Variants in KIF11 observed in about 807,000 individuals in gnomAD.
KIF11 encodes the protein kinesin family member 11.
In KIF11, 9 loss-of-function variants were observed where a neutral mutation model predicts 121.0. That is an observed-to-expected ratio of 0.07 (90% CI 0.04 to 0.13). The LOEUF is 0.13. KIF11 is among the 10% of genes least tolerant of loss of function. The pLI is 1.00. For missense variants in KIF11, 846 were observed against 1,217.5 expected (o/e 0.69, Z 4.54); for synonymous variants, 408 against 421.0 (o/e 0.97, Z 0.38).
At chr10:92,649,621 AG>A (rs1000639037) in intron 19 of KIF11, among the ~76,000 whole-genome samples, 1 of 152,194 alleles carries the variant, frequency 6.6e-6, no homozygotes, top group African/African-American at 2.4e-5. Context: ...TTTAGAGAGT[AG>A]GATGAATCTT....
At chr10:92,644,728 T>TC (rs1844901490) in intron 17 of KIF11, among the ~76,000 whole-genome samples, 2 of 152,232 alleles carry the variant, frequency 1.3e-5, no homozygotes, top group Non-Finnish European at 2.9e-5. Context: ...GAGAGTCACT[T>TC]CATTCCACAA....
chr10:92,603,126 G>A (rs1589588540), intron 1 of KIF11, among the ~76,000 whole-genome samples: 1 of 151,870 alleles, frequency 6.6e-6, no homozygotes, highest in East Asian at 1.9e-4. Flanking sequence ...ATATCTACAG[G>A]GCCTGGCTCC....
chr10:92,608,444 G>A, intron 4 of KIF11, among the ~76,000 whole-genome samples: 1 of 144,344 alleles, frequency 6.9e-6, no homozygotes, highest in East Asian at 2.0e-4. Context: ...ATTGAACTTG[G>A]CGTTTTTTTT....
rs2135928647 is a variant in KIF11 at position 92,655,171 on chromosome 10, T to G, written c.*1375T>G. The G allele has an allele frequency of 6.5e-6, 1 of 152,682 alleles. No individual in the cohort carries two copies. Among genetic ancestry groups the G allele is most frequent in the South Asian group, 2.1e-4 (1 of 4,822 alleles). 9.5% of individuals were successfully genotyped at this position (152,682 alleles called of 1,614,324 possible). A position where few individuals can be genotyped will look rare whatever the true frequency, so the allele number is the denominator to read the frequency against. ...TTTTCTGCTCACGATGAGTTTAGTGTGTAAAGTTTAGAGACATCTGACTTT... is the reference window on the plus strand; with the variant it reads ...TTTTCTGCTCACGATGAGTTTAGTGGGTAAAGTTTAGAGACATCTGACTTT... On this transcript the variant is annotated 3_prime_UTR_variant, in exon 22 of 22. Coordinates refer to ENST00000260731, the MANE Select transcript of KIF11 (RefSeq NM_004523.4).
At chr10:92,628,934 C>A in intron 11 of KIF11, 39 bp downstream of exon 11, 2 of 1,083,428 alleles carry the variant, frequency 1.8e-6, no homozygotes, top group Admixed American at 2.5e-5. Context: ...ATGTGAAAAG[C>A]AAATATTGAA....
intron 10 of KIF11, among the ~76,000 whole-genome samples, chr10:92,622,871 G>A (rs1294235758): frequency 6.6e-6 from 1 of 152,136 alleles, no homozygotes; most frequent in East Asian, 1.9e-4. Context: ...GGAGAAGCAA[G>A]CACATATTCA....
intron 19 of KIF11, among the ~76,000 whole-genome samples, chr10:92,649,427 A>G (rs190214822): frequency 7.2e-5 from 11 of 152,266 alleles, no homozygotes; most frequent in Admixed American, 5.9e-4. Context: ...TAGTATATGT[A>G]TATAACTAGT....
chr10:92,631,653 G>A (rs1222357019), intron 12 of KIF11, among the ~76,000 whole-genome samples: 1 of 149,096 alleles, frequency 6.7e-6, no homozygotes, highest in Non-Finnish European at 1.5e-5. Context: ...GAGCCACCGC[G>A]CCCGGCCTTT....
At chr10:92,635,320 T>C (rs1365345364) in intron 14 of KIF11, among the ~76,000 whole-genome samples, 1 of 152,222 alleles carries the variant, frequency 6.6e-6, no homozygotes, top group Non-Finnish European at 1.5e-5. Context: ...ATTCATTAAA[T>C]GGTGGTCTGT....
intron 17 of KIF11, among the ~76,000 whole-genome samples, chr10:92,644,163 G>A (rs77464338): frequency 0.034 from 5,147 of 152,184 alleles, 137 homozygotes; most frequent in Admixed American, 0.061. Context: ...CTACACCAGA[G>A]TTTCCCAGTA....
chr10:92,613,101 G>C lies in KIF11; in HGVS notation c.760G>C (p.Glu254Gln). 1 of 1,612,452 alleles carries C rather than the reference G, an allele frequency of 6.2e-7. No homozygotes were observed. The highest frequency in any genetic ancestry group is 8.5e-7 in the Non-Finnish European group (1 of 1,178,778). The change falls in exon 7 of 22, where the codon GAG becomes CAG. Residue 254 changes from glutamate to glutamine, a missense_variant. By Grantham distance (29) the Glu-to-Gln change is conservative. This residue lies in a region of KIF11 where 116 missense variants were observed against 285.3 expected (regional missense o/e 0.41). Transcript: ENST00000260731. This position sits in a 1 kb window ranked among gnomAD's most constrained non-coding sequence, Gnocchi z 4.2. ...HMKETTIDGE[E>Q]LVKIGKLNLV... ...GAAAGAAACTACGATTGATGGAGAAGAGCTTGTTAAAATCGGAAAGTTGAA... is the reference window on the plus strand; with the variant it reads ...GAAAGAAACTACGATTGATGGAGAACAGCTTGTTAAAATCGGAAAGTTGAA...
At chr10:92,626,624 A>T (rs1166495069) in intron 10 of KIF11, among the ~76,000 whole-genome samples, 1 of 152,246 alleles carries the variant, frequency 6.6e-6, no homozygotes, top group Non-Finnish European at 1.5e-5. Flanking sequence ...CAAGCTTAAT[A>T]GACATTTTAA....
chr10:92,648,485 C>T (rs1280667587), intron 19 of KIF11, 51 bp downstream of exon 19: 1 of 1,174,484 alleles, frequency 8.5e-7, no homozygotes, highest in Non-Finnish European at 1.2e-6. Flanking sequence ...TCGAATTCAA[C>T]TCTATGTAGT....
chr10:92,599,686 C>A (rs1844344802), intron 1 of KIF11, among the ~76,000 whole-genome samples: 1 of 142,740 alleles, frequency 7.0e-6, no homozygotes, highest in African/African-American at 2.6e-5. Context: ...TGGAGTCTCG[C>A]TTTGTTGCCA....
chr10:92,650,570 A>G (rs1390595929), intron 21 of KIF11, 53 bp downstream of exon 21: 2 of 986,354 alleles, frequency 2.0e-6, no homozygotes, highest in African/African-American at 1.6e-5. Context: ...TTCATTTACT[A>G]TTCATTATAA....
chr10:92,637,403 A>G lies in KIF11; in HGVS notation c.2018A>G (p.Lys673Arg). 1.3e-6 allele frequency: 2 copies of G among 1,578,714 alleles called. No individual in the cohort carries two copies. The highest frequency in any genetic ancestry group is 1.7e-4 in the Middle Eastern group (1 of 5,968). ...TVADKIEDQKKELDGFLSILC... is the reference protein window; with the variant it reads ...TVADKIEDQKRELDGFLSILC... ...TCTTCAAAGATAGAAGATCAAAAAA[A>G]GGAACTAGATGGCTTTCTCAGTATA... Residue 673 changes from lysine (K) to arginine (R), a missense_variant, in exon 16 of 22, where the codon AAG becomes AGG. Physicochemically the swap from Lys to Arg is conservative, Grantham distance 26 (BLOSUM62 2). Around this residue, in one of 5 missense-constraint regions of KIF11, gnomAD observed 492 missense variants for 603.4 expected, o/e 0.82. Transcript: ENST00000260731.
rs1352155938 is a variant in KIF11, at chr10:92,648,427, C to G, written c.2763C>G (p.Ile921Met). 1.3e-6 allele frequency: 2 copies of G among 1,579,244 alleles called. No homozygotes were observed. Among genetic ancestry groups the G allele is most frequent in the Admixed American group, 3.6e-5 (2 of 56,128 alleles). ...TGGAACAGGATCTGAAACTGGATATCCCAACAGGTACTTTAAAAGAGAAAT... is the reference window on the plus strand; with the variant it reads ...TGGAACAGGATCTGAAACTGGATATGCCAACAGGTACTTTAAAAGAGAAAT... The part of the protein sequence containing the change: ...CFLEQDLKLD[I>M]PTGTTPQRKS... Residue 921 changes from isoleucine (I) to methionine (M), a missense_variant, in exon 19 of 22, where the codon ATC becomes ATG. Ile to Met is a conservative substitution (Grantham distance 10). Around this residue, in one of 5 missense-constraint regions of KIF11, gnomAD observed 492 missense variants for 603.4 expected, o/e 0.82. Coordinates refer to ENST00000260731, the MANE Select transcript of KIF11 (RefSeq NM_004523.4).
At chr10:92,630,867 CAA>C (rs58123701) in intron 12 of KIF11, among the ~76,000 whole-genome samples, 4 of 100,022 alleles carry the variant, frequency 4.0e-5, no homozygotes, top group Admixed American at 1.2e-4. Context: ...AACTCCGTCT[CAA>C]AAAAAAAAAA....
intron 18 of KIF11, among the ~76,000 whole-genome samples, chr10:92,647,788 C>G (rs1844935737): frequency 6.6e-6 from 1 of 152,056 alleles, no homozygotes; most frequent in Non-Finnish European, 1.5e-5. Context: ...GTTAATTATA[C>G]TGTTCTCTCT....
Sources: gnomAD v4.1 joint callset for allele counts (sites outside exome capture counted in the v4.1 genomes callset) on GRCh38, gnomAD v4.1.1 for gene constraint, gnomAD v4.1.1 regional missense constraint, Gnocchi (gnomAD v3.1) non-coding constraint, MANE v1.5 for transcripts, NCBI Gene and HGNC (gene_info 2026-07-23, HGNC 2026-07-21) for gene names.